Variants in ZNF324B observed in about 807,000 individuals in gnomAD.
ZNF324B encodes the protein zinc finger protein 324B.
In ZNF324B, 7 loss-of-function variants were observed where a neutral mutation model predicts 10.6. The ratio of observed to expected loss-of-function variants is 0.66; its 90% confidence interval spans 0.38 to 1.24. The LOEUF (loss-of-function observed/expected upper bound fraction) is 1.24, where lower values mean the gene tolerates loss of function less well. Ranked by LOEUF, ZNF324B falls within the 50% of genes most tolerant of loss-of-function variation. The probability of loss-of-function intolerance (pLI) is 0.02; values close to 1 mark genes in which losing one functional copy is unlikely to be tolerated. For synonymous variants in ZNF324B, 316 were observed against 321.0 expected, an observed-to-expected ratio of 0.98 and a Z score of 0.17; for missense variants, 640 against 764.7, an observed-to-expected ratio of 0.84 and a Z score of 1.92.
the ZNF324B span, among the ~76,000 whole-genome samples, chr19:58,426,404 T>C: frequency 6.6e-6 from 1 of 152,240 alleles, no homozygotes; most frequent in African/African-American, 2.4e-5. Flanking sequence ...TTCTGTGTTG[T>C]CAGAAGTTCT....
chr19:58,431,237 A>G, the ZNF324B span: 4 of 152,336 alleles, frequency 2.6e-5, no homozygotes, highest in Admixed American at 6.5e-5. Flanking sequence ...CAGGAGTACA[A>G]TCTTTGGCAG....
At chr19:58,447,999 C>G (rs966688703), upstream of ZNF324B, among the ~76,000 whole-genome samples, 6 of 152,228 alleles carry the variant, frequency 3.9e-5, no homozygotes, top group Admixed American at 3.9e-4. Context: ...CTCCCAGCCA[C>G]ATGGAACTGT....
chr19:58,451,737 A>T, intron 1 of ZNF324B, 33 bp downstream of exon 1: 1 of 447,204 alleles, frequency 2.2e-6, no homozygotes, highest in Non-Finnish European at 4.4e-6. Flanking sequence ...CGCGCCCCCA[A>T]GCCTCGGTAT....
At chr19:58,439,948 C>G in the ZNF324B span, 6 of 982,108 alleles carry the variant, frequency 6.1e-6, no homozygotes, top group South Asian at 4.7e-5. Context: ...ACCGCAGGGA[C>G]GAAGGCTGGG....
In ZNF324B at chr19:58,455,252, C is replaced by G. The variant is rs749761096; in HGVS notation, c.308C>G (p.Pro103Arg). The change falls in exon 4 of 4, where the codon CCT becomes CGT. Residue 103 changes from proline to arginine, a missense_variant. Pro to Arg is a moderately radical substitution (Grantham distance 103, BLOSUM62 -2). This residue lies in a region of ZNF324B where 345 missense variants were observed against 387.9 expected (regional missense o/e 0.89). Coordinates refer to ENST00000336614, the MANE Select transcript of ZNF324B (RefSeq NM_207395.3). This position sits in a 1 kb window ranked among gnomAD's most constrained non-coding sequence, Gnocchi z 7.0. ...EWPRAFPDTPPGMTTSVFPVA... is the reference protein window; with the variant it reads ...EWPRAFPDTPRGMTTSVFPVA... The stretch of plus-strand genomic sequence containing the variant: ...CCACGAGCTTTCCCAGATACCCCAC[C>G]TGGGATGACTACTAGCGTCTTCCCA... 1 of 1,614,216 alleles carries G rather than the reference C, an allele frequency of 6.2e-7. No homozygotes were observed. Among genetic ancestry groups the G allele is most frequent in the Admixed American group, 1.7e-5 (1 of 60,034 alleles).
chr19:58,436,990 A>G, the ZNF324B span: 7 of 1,611,886 alleles, frequency 4.3e-6, no homozygotes, highest in East Asian at 4.5e-5. Flanking sequence ...AGAGCTTTCT[A>G]TGGGGAAAAG....
the ZNF324B span, among the ~76,000 whole-genome samples, chr19:58,437,566 C>G: frequency 6.6e-6 from 1 of 152,204 alleles, no homozygotes; most frequent in Non-Finnish European, 1.5e-5. Context: ...ATTTGGGCTT[C>G]CCTTTCTTAA....
rs769573189 is a variant in ZNF324B, at chr19:58,454,266, G to A, written c.160G>A (p.Glu54Lys). 20 of 1,614,102 alleles carry A rather than the reference G, an allele frequency of 1.2e-5. No homozygotes were observed. Among genetic ancestry groups the A allele is most frequent in the Non-Finnish European group, 1.7e-5 (20 of 1,179,990 alleles). Residue 54 changes from glutamate to lysine, a missense_variant, in exon 3 of 4, where the codon GAG becomes AAG. Glu to Lys is a moderately conservative substitution (Grantham distance 56, BLOSUM62 1). Around this residue, in one of 3 missense-constraint regions of ZNF324B, gnomAD observed 345 missense variants for 387.9 expected, o/e 0.89. Transcript: ENST00000336614. ...TSRPRVVIQL[E>K]RGEEPWVPSG... ...CCGACCTCGTGTGGTCATTCAACTT[G>A]AGCGTGGCGAGGAGCCCTGGGTTCC...
intron 2 of ZNF324B, 147 bp downstream of exon 2, chr19:58,453,969 G>A: frequency 7.9e-7 from 1 of 1,261,256 alleles, no homozygotes; most frequent in Non-Finnish European, 1.1e-6. Flanking sequence ...GTTTGGTTGG[G>A]TCAGCCACTC....
the ZNF324B span, among the ~76,000 whole-genome samples, chr19:58,438,769 G>A: frequency 2.0e-4 from 28 of 140,192 alleles, no homozygotes; most frequent in African/African-American, 6.2e-4. Context: ...CACCACGCCC[G>A]GCAATTTTTT....
chr19:58,440,782 G>C, the ZNF324B span: 27 of 152,160 alleles, frequency 1.8e-4, no homozygotes, highest in Non-Finnish European at 1.2e-4. Context: ...GTCGCCCTTG[G>C]CGTTATGTTG....
chr19:58,455,079 G>C lies in ZNF324B; in HGVS notation c.239-104G>C, dbSNP rs772935382. Reference sequence around the variant, plus strand: ...AGCCTCACCTCTTCTTTTTCCCTAAGCTTTTGTCCCGGCTCCTGGGCTCCC... The same window carrying C: ...AGCCTCACCTCTTCTTTTTCCCTAACCTTTTGTCCCGGCTCCTGGGCTCCC... On this transcript the variant is annotated intron_variant, in intron 3 of 3. Coordinates refer to ENST00000336614, the MANE Select transcript of ZNF324B (RefSeq NM_207395.3). This position sits in a 1 kb window ranked among gnomAD's most constrained non-coding sequence, Gnocchi z 7.0. The C allele has an allele frequency of 6.7e-7, 1 of 1,503,078 alleles. No individual in the cohort carries two copies. Among genetic ancestry groups the C allele is most frequent in the Admixed American group, 1.7e-5 (1 of 59,456 alleles). 93.1% of individuals were successfully genotyped at this position (1,503,078 alleles called of 1,614,324 possible).
upstream of ZNF324B, among the ~76,000 whole-genome samples, chr19:58,447,880 A>G (rs1040471281): frequency 6.6e-6 from 1 of 152,160 alleles, no homozygotes; most frequent in Non-Finnish European, 1.5e-5. Flanking sequence ...AATAAGTCTC[A>G]AGAGACCTGA....
the ZNF324B span, chr19:58,445,757 G>C: frequency 3.2e-6 from 1 of 311,330 alleles, no homozygotes; most frequent in East Asian, 9.7e-5. Flanking sequence ...AGAGGTTGCA[G>C]TGAGCTGAGT....
At chr19:58,427,875 C>T in the ZNF324B span, among the ~76,000 whole-genome samples, 4 of 152,036 alleles carry the variant, frequency 2.6e-5, no homozygotes, top group African/African-American at 4.8e-5. Flanking sequence ...ACGTGTCTAC[C>T]CTAACTTTAT....
chr19:58,448,642 G>T (rs1296356071), upstream of ZNF324B, among the ~76,000 whole-genome samples: 5 of 152,168 alleles, frequency 3.3e-5, no homozygotes, highest in African/African-American at 1.2e-4. Flanking sequence ...CAGGAGACTG[G>T]CATGAACCTA....
chr19:58,455,268 C>G lies in ZNF324B; in HGVS notation c.324C>G (p.Ser108Arg). ...ATACCCCACCTGGGATGACTACTAG[C>G]GTCTTCCCAGTTGCCGATGCCTGCC... ...FPDTPPGMTT[S>R]VFPVADACHS... Residue 108 changes from serine to arginine, a missense_variant, in exon 4 of 4, where the codon AGC becomes AGG. Around this residue, in one of 3 missense-constraint regions of ZNF324B, gnomAD observed 345 missense variants for 387.9 expected, o/e 0.89. Coordinates refer to ENST00000336614, the MANE Select transcript of ZNF324B (RefSeq NM_207395.3). This position sits in a 1 kb window ranked among gnomAD's most constrained non-coding sequence, Gnocchi z 7.0. The G allele has an allele frequency of 1.2e-6, 2 of 1,614,202 alleles. No individual in the cohort carries two copies. The highest frequency in any genetic ancestry group is 1.7e-6 in the Non-Finnish European group (2 of 1,180,042).
At chr19:58,440,125 C>T in the ZNF324B span, 10 of 425,850 alleles carry the variant, frequency 2.3e-5, no homozygotes, top group Non-Finnish European at 3.8e-5. Context: ...TGTAGCCCAA[C>T]CCACCAGCAG....
chr19:58,427,844 A>G, the ZNF324B span, among the ~76,000 whole-genome samples: 1 of 152,030 alleles, frequency 6.6e-6, no homozygotes, highest in Non-Finnish European at 1.5e-5. Context: ...GGCCACTCAC[A>G]CAGAGGATTG....
Sources: gnomAD v4.1 joint callset for allele counts (sites outside exome capture counted in the v4.1 genomes callset) on GRCh38, gnomAD v4.1.1 for gene constraint, gnomAD v4.1.1 regional missense constraint, Gnocchi (gnomAD v3.1) non-coding constraint, MANE v1.5 for transcripts, NCBI Gene and HGNC (gene_info 2026-07-23, HGNC 2026-07-21) for gene names.